HDGFL2: variants seen among roughly 807,000 people sequenced by gnomAD.
HDGFL2 encodes the protein hepatoma-derived growth factor-related protein 2.
HDGFL2 carries 36 observed loss-of-function variants against 77.1 expected under a neutral mutation model. The ratio of observed to expected loss-of-function variants is 0.47; its 90% CI spans 0.36 to 0.62. The LOEUF (loss-of-function observed/expected upper bound fraction) is 0.62, where lower values mean the gene tolerates loss of function less well. HDGFL2 is among the 20% of genes least tolerant of loss of function. The pLI is 0.00. For synonymous variants in HDGFL2, 463 were observed against 413.1 expected (o/e 1.12, Z -1.46); for missense variants, 976 against 973.4 (o/e 1.00, Z -0.04).
chr19:4,488,796 A>AGC lies in HDGFL2; in HGVS notation c.411_412dup (p.Asp138AlafsTer19). ...CACAGCGGTAACCGCCACAGCTGCC[A>AGC]GCGACAGGATGGAGAGCGACTCAGA... On this transcript the variant is annotated frameshift_variant, in exon 4 of 16. Coordinates refer to ENST00000616600, the MANE Select transcript of HDGFL2 (RefSeq NM_001001520.3). LOFTEE classifies it high-confidence loss of function. 6.4e-7 allele frequency: 1 copy of AGC among 1,551,948 alleles called. No individual in the cohort carries two copies. The highest frequency in any genetic ancestry group is 8.7e-7 in the Non-Finnish European group (1 of 1,147,202).
chr19:4,487,324 A>G (rs1975388758), intron 3 of HDGFL2, among the ~76,000 whole-genome samples: 1 of 151,702 alleles, frequency 6.6e-6, no homozygotes. Flanking sequence ...TGGTGTGATC[A>G]TAGCTCACTG....
chr19:4,500,452 ATTT>A (rs67297373), intron 14 of HDGFL2, among the ~76,000 whole-genome samples: 9 of 88,712 alleles, frequency 1.0e-4, no homozygotes, highest in Admixed American at 1.3e-4. Flanking sequence ...TGCCCTGCTA[ATTT>A]TTTTTTTTTT....
chr19:4,498,191 G>A, intron 11 of HDGFL2, 115 bp from the exon 12 acceptor site: 4 of 1,173,122 alleles, frequency 3.4e-6, no homozygotes, highest in Non-Finnish European at 4.9e-6. Flanking sequence ...GGCTGAGCCT[G>A]CAGACCTGGG....
intron 3 of HDGFL2, among the ~76,000 whole-genome samples, chr19:4,476,314 G>A (rs78487047): frequency 6.9e-6 from 1 of 145,638 alleles, no homozygotes; most frequent in East Asian, 2.1e-4. Flanking sequence ...TGCCTCAGAC[G>A]CCCGAGTTGC....
Position 4,501,934 on chromosome 19 carries a change from T to G in HDGFL2, c.1940T>G (p.Leu647Arg). ...AGCAGCGTACGGGAGGGTCCCGACC[T>G]GGACAGGCCTGGGAGCGACCGGCAG... ...LHDSVREGPDLDRPGSDRQER... is the reference protein window; with the variant it reads ...LHDSVREGPDRDRPGSDRQER... Residue 647 changes from leucine to arginine, a missense_variant, in exon 16 of 16, where the codon CTG becomes CGG. Transcript: ENST00000616600. 2.0e-6 allele frequency: 3 copies of G among 1,486,300 alleles called. No homozygotes were observed. Among genetic ancestry groups the G allele is most frequent in the Non-Finnish European group, 2.7e-6 (3 of 1,123,804 alleles). The allele number at this position is 1,486,300 out of a possible 1,614,324, so 92.1% of individuals were successfully genotyped here.
In HDGFL2 at chr19:4,499,624, A is replaced by AGGCCGAGGAGAAGCT; in HGVS notation, c.1715_1729dup (p.Glu572_Ala576dup). ...AACAAGGCTGGGATGGAGAAGGAGAAGGCCGAGGAGAAGCTGGCCGGGGAG... is the reference window on the plus strand; with the variant it reads ...AACAAGGCTGGGATGGAGAAGGAGAAGGCCGAGGAGAAGCTGGCCGAGGAGAAGCTGGCCGGGGAG... On this transcript the variant is annotated inframe_insertion, in exon 14 of 16. Coordinates refer to ENST00000616600, the MANE Select transcript of HDGFL2 (RefSeq NM_001001520.3). The AGGCCGAGGAGAAGCT allele has an allele frequency of 6.3e-7, 1 of 1,589,862 alleles. No homozygotes were observed. The highest frequency in any genetic ancestry group is 1.3e-5 in the African/African-American group (1 of 74,540).
intron 6 of HDGFL2, among the ~76,000 whole-genome samples, chr19:4,492,501 T>C (rs1237927052): frequency 6.6e-6 from 1 of 151,996 alleles, no homozygotes; most frequent in East Asian, 1.9e-4. Flanking sequence ...ATACTGTTCA[T>C]GTATCTATGT....
intron 3 of HDGFL2, among the ~76,000 whole-genome samples, chr19:4,483,640 G>A (rs1599706374): frequency 1.3e-5 from 2 of 151,810 alleles, no homozygotes; most frequent in African/African-American, 2.4e-5. Flanking sequence ...CTCGTCTCCC[G>A]CGAGCCCCGT....
chr19:4,490,789 ATTAT>A (rs1975485247), intron 4 of HDGFL2, among the ~76,000 whole-genome samples: 1 of 147,582 alleles, frequency 6.8e-6, no homozygotes. Flanking sequence ...CCAAGGAAGG[ATTAT>A]TTCTTTTTTT....
intron 3 of HDGFL2, among the ~76,000 whole-genome samples, chr19:4,488,301 G>A (rs1975413450): frequency 6.6e-6 from 1 of 152,174 alleles, no homozygotes; most frequent in Non-Finnish European, 1.5e-5. Context: ...TCTTGACATG[G>A]TCTCGGCACT....
At chr19:4,484,772 C>T (rs1011570183) in intron 3 of HDGFL2, among the ~76,000 whole-genome samples, 4 of 147,588 alleles carry the variant, frequency 2.7e-5, no homozygotes, top group Non-Finnish European at 3.0e-5. Flanking sequence ...CCTGGGTTCA[C>T]GCCATTCTCC....
At chr19:4,478,744 C>T (rs573028099) in intron 3 of HDGFL2, among the ~76,000 whole-genome samples, 4 of 151,272 alleles carry the variant, frequency 2.6e-5, no homozygotes, top group South Asian at 4.2e-4. Context: ...TGCAGTGGTG[C>T]GACCTCGGCT....
intron 3 of HDGFL2, among the ~76,000 whole-genome samples, chr19:4,482,224 T>C (rs1975239696): frequency 6.6e-6 from 1 of 150,850 alleles, no homozygotes; most frequent in African/African-American, 2.4e-5. Flanking sequence ...TTCTTTTTTT[T>C]TTTGAGATGG....
chr19:4,497,412 T>C lies in HDGFL2; in HGVS notation c.1329-546T>C, dbSNP rs1599723307. 5 of 312,028 alleles carry C rather than the reference T, an allele frequency of 1.6e-5. No homozygotes were observed. In the East Asian group the frequency reaches 5.2e-4, roughly 33 times the overall value. 19.3% of individuals were successfully genotyped at this position (312,028 alleles called of 1,614,324 possible). ...CGGGGCTTCACCGTGTTGGCCAGGATGGTCTCTATCTCCTAAACTCATGAT... is the reference window on the plus strand; with the variant it reads ...CGGGGCTTCACCGTGTTGGCCAGGACGGTCTCTATCTCCTAAACTCATGAT... On this transcript the variant is annotated intron_variant, in intron 10 of 15. Coordinates refer to ENST00000616600, the MANE Select transcript of HDGFL2 (RefSeq NM_001001520.3).
intron 3 of HDGFL2, among the ~76,000 whole-genome samples, chr19:4,477,229 T>C (rs566178693): frequency 1.5e-4 from 23 of 152,228 alleles, no homozygotes; most frequent in African/African-American, 5.5e-4. Flanking sequence ...CACGCACACG[T>C]GCCGCACTGG....
intron 15 of HDGFL2, 171 bp from the exon 16 acceptor site, chr19:4,501,740 T>C (rs1157041902): frequency 3.6e-6 from 2 of 550,136 alleles, no homozygotes; most frequent in Non-Finnish European, 6.2e-6. Flanking sequence ...GTGGGGACCC[T>C]GGAGATGGTT....
At chr19:4,482,846 T>C (rs1975254332) in intron 3 of HDGFL2, among the ~76,000 whole-genome samples, 1 of 152,102 alleles carries the variant, frequency 6.6e-6, no homozygotes, top group Non-Finnish European at 1.5e-5. Flanking sequence ...TGCCGGTGGC[T>C]CCTGGGTTCG....
At chr19:4,476,856 CT>C (rs1975085953) in intron 3 of HDGFL2, among the ~76,000 whole-genome samples, 1 of 151,744 alleles carries the variant, frequency 6.6e-6, no homozygotes. Context: ...CTTTCCTCTG[CT>C]TTAACCACAC....
chr19:4,502,111 CTGTTTGT>C lies in HDGFL2; in HGVS notation c.*102_*108del. On this transcript the variant is annotated 3_prime_UTR_variant, in exon 16 of 16. Coordinates refer to ENST00000616600, the MANE Select transcript of HDGFL2 (RefSeq NM_001001520.3). ...GCAGAGAACTGTGGGGAACGCTGTG[CTGTTTGT>C]ATTTGTTCCCTTGGGTTTTTTTTTC... 2.3e-6 allele frequency: 2 copies of C among 857,822 alleles called. No individual in the cohort carries two copies. The highest frequency in any genetic ancestry group is 3.8e-6 in the Non-Finnish European group (2 of 528,606). The allele number at this position is 857,822 out of a possible 1,614,324, so 53.1% of individuals were successfully genotyped here.
Sources: allele counts gnomAD v4.1 joint callset (sites outside exome capture counted in the v4.1 genomes callset), GRCh38; gene constraint gnomAD v4.1.1; transcripts MANE v1.5; gene names NCBI Gene and HGNC (gene_info 2026-07-23, HGNC 2026-07-21).